Variants in IGF1R observed in about 807,000 individuals in gnomAD.
IGF1R encodes insulin like growth factor 1 receptor.
A neutral mutation model predicts 144.6 loss-of-function variants in IGF1R; 44 were observed. The ratio of observed to expected loss-of-function variants is 0.30; its 90% CI spans 0.24 to 0.39. The LOEUF (loss-of-function observed/expected upper bound fraction) is 0.39, where lower values mean the gene tolerates loss of function less well. IGF1R is among the 10% of genes least tolerant of loss of function. IGF1R has a pLI of 1.00. For missense variants in IGF1R, 1,355 were observed against 1,833.7 expected, an observed-to-expected ratio of 0.74 and a Z score of 4.77; for synonymous variants, 795 against 722.8, an observed-to-expected ratio of 1.10 and a Z score of -1.60.
intron 19 of IGF1R, among the ~76,000 whole-genome samples, chr15:98,946,373 C>T (rs1338612685): frequency 6.6e-6 from 1 of 152,064 alleles, no homozygotes; most frequent in African/African-American, 2.4e-5. Flanking sequence ...TCTTTAAGCC[C>T]TGTTAAGGTT....
chr15:98,842,136 C>A (rs1389250573), intron 2 of IGF1R, among the ~76,000 whole-genome samples: 1 of 152,240 alleles, frequency 6.6e-6, no homozygotes, highest in South Asian at 2.1e-4. Context: ...GACCCCTTCA[C>A]CTCTGTCCCC....
chr15:98,653,603 C>G (rs926637712), intron 1 of IGF1R, among the ~76,000 whole-genome samples: 7 of 152,154 alleles, frequency 4.6e-5, no homozygotes, highest in Non-Finnish European at 1.0e-4. Flanking sequence ...ATTAAAATTC[C>G]TTACAGAACG....
At chr15:98,887,199 C>G (rs892423727) in intron 2 of IGF1R, among the ~76,000 whole-genome samples, 1 of 152,094 alleles carries the variant, frequency 6.6e-6, no homozygotes, top group African/African-American at 2.4e-5. Flanking sequence ...GCCTGTGTAT[C>G]GGTTGTGGCA....
At position 98,707,863 on chromosome 15, in the gene IGF1R, C is replaced by T; in HGVS notation, c.396C>T (p.Asn132=). The part of the protein sequence containing the change: ...MTNLKDIGLY[N]LRNITRGAIR... ...ATCTCAAGGATATTGGGCTTTACAA[C>T]CTGAGGAACATTACTCGGGGGGCCA... Residue 132 remains asparagine (N), a synonymous_variant, in exon 2 of 21, where the codon AAC becomes AAT. Coordinates refer to ENST00000650285, the MANE Select transcript of IGF1R (RefSeq NM_000875.5). The surrounding 1 kb of genome is among the most constrained non-coding windows in gnomAD (Gnocchi z 6.7). 6.2e-7 allele frequency: 1 copy of T among 1,614,150 alleles called. No individual in the cohort carries two copies. The highest frequency in any genetic ancestry group is 2.2e-5 in the East Asian group (1 of 44,880).
intron 2 of IGF1R, among the ~76,000 whole-genome samples, chr15:98,793,888 C>T (rs199785023): frequency 1.3e-5 from 2 of 152,178 alleles, no homozygotes; most frequent in South Asian, 2.1e-4. Context: ...TACCTGTGTT[C>T]GTTCCTTTGC....
intron 1 of IGF1R, among the ~76,000 whole-genome samples, chr15:98,658,959 A>G (rs1381437927): frequency 6.6e-6 from 1 of 152,252 alleles, no homozygotes; most frequent in Non-Finnish European, 1.5e-5. Context: ...TTAAACATTC[A>G]TAGAAATCAA....
intron 2 of IGF1R, among the ~76,000 whole-genome samples, chr15:98,711,973 G>A (rs1397600860): frequency 6.6e-6 from 1 of 152,058 alleles, no homozygotes; most frequent in Non-Finnish European, 1.5e-5. Context: ...TTTTTTTCTG[G>A]CGTCTTTTTT....
rs548403294 is a variant in IGF1R at position 98,961,236 on chromosome 15, C to T, written c.*3794C>T. On this transcript the variant is annotated 3_prime_UTR_variant, in exon 21 of 21. Coordinates refer to ENST00000650285, the MANE Select transcript of IGF1R (RefSeq NM_000875.5). The stretch of plus-strand genomic sequence containing the variant: ...CCTCTCCTCTCGTGCACATACCTAC[C>T]GGTTTCCACAACTGGATTTCTACAG... 11 of 233,590 alleles carry T rather than the reference C, an allele frequency of 4.7e-5. No homozygotes were observed. Among genetic ancestry groups the T allele is most frequent in the East Asian group, 6.0e-5 (1 of 16,574 alleles). The allele number at this position is 233,590 out of a possible 1,614,324, so 14.5% of individuals were successfully genotyped here. A position where few individuals can be genotyped will look rare whatever the true frequency, so the allele number is the denominator to read the frequency against.
At chr15:98,908,057 T>G (rs947105883) in intron 5 of IGF1R, among the ~76,000 whole-genome samples, 1 of 152,244 alleles carries the variant, frequency 6.6e-6, no homozygotes, top group Non-Finnish European at 1.5e-5. Flanking sequence ...CGAGTCCTCT[T>G]GCCTGGATGA....
At chr15:98,840,317 C>A (rs891017265) in intron 2 of IGF1R, among the ~76,000 whole-genome samples, 2 of 152,226 alleles carry the variant, frequency 1.3e-5, no homozygotes, top group Middle Eastern at 3.2e-3. Flanking sequence ...ATCTTGCTTT[C>A]TGTGGTGCAA....
intron 2 of IGF1R, among the ~76,000 whole-genome samples, chr15:98,881,848 T>A (rs1007683442): frequency 5.3e-5 from 8 of 152,206 alleles, no homozygotes; most frequent in African/African-American, 1.9e-4. Context: ...CAGAAATATA[T>A]GTGAGATGCT....
In IGF1R at chr15:98,920,340, C is replaced by T. The variant is rs558058774; in HGVS notation, c.2202-1808C>T. ...GCCTTGATGTCATCAGCATTGAGAG[C>T]TGTGCAGTCCCTAAAAGTGTGATGT... is the stretch of plus-strand genomic sequence containing the variant. On this transcript the variant is annotated intron_variant, in intron 10 of 20. Transcript: ENST00000650285. Among the ~76,000 whole-genome samples, 4 of 152,314 alleles carry T rather than the reference C, an allele frequency of 2.6e-5. No homozygotes were observed. The South Asian group carries it at 8.3e-4, about 32-fold the overall frequency.
At chr15:98,729,928 G>T (rs146449565) in intron 2 of IGF1R, among the ~76,000 whole-genome samples, 2 of 152,320 alleles carry the variant, frequency 1.3e-5, no homozygotes, top group East Asian at 3.9e-4. Context: ...CACCCTGTCT[G>T]CAGGTCCATG....
intron 2 of IGF1R, among the ~76,000 whole-genome samples, chr15:98,843,455 T>G (rs1164001859): frequency 6.6e-6 from 1 of 152,198 alleles, no homozygotes; most frequent in Non-Finnish European, 1.5e-5. Flanking sequence ...CTCTTATTGG[T>G]TTGTCTTAGC....
At chr15:98,947,389 G>A (rs977876251) in intron 19 of IGF1R, among the ~76,000 whole-genome samples, 4 of 152,290 alleles carry the variant, frequency 2.6e-5, no homozygotes, top group African/African-American at 9.6e-5. Flanking sequence ...GCTCTTGGTT[G>A]GAAATCTCCT....
chr15:98,798,558 GAGA>G (rs1289079561), intron 2 of IGF1R, among the ~76,000 whole-genome samples: 1 of 152,184 alleles, frequency 6.6e-6, no homozygotes, highest in Non-Finnish European at 1.5e-5. Context: ...GTGTAGGGCA[GAGA>G]AGATGAACCT....
chr15:98,784,538 A>G (rs1429832646), intron 2 of IGF1R: 1 of 154,004 alleles, frequency 6.5e-6, no homozygotes, highest in Non-Finnish European at 1.5e-5. Flanking sequence ...GTCTAGGTTA[A>G]GTCATACTTG....
rs1163356869 is a variant in IGF1R, at chr15:98,964,163, T to C, written c.*6721T>C. The C allele has an allele frequency of 8.6e-6, 2 of 232,832 alleles. No individual in the cohort carries two copies. The highest frequency in any genetic ancestry group is 5.6e-5 in the Admixed American group (1 of 17,744). 14.4% of individuals were successfully genotyped at this position (232,832 alleles called of 1,614,324 possible). The stretch of plus-strand genomic sequence containing the variant: ...AATCAAACCAGAAGGCGGGATGGAA[T>C]GGATGCACCGCAAATAATGCATTTT... On this transcript the variant is annotated 3_prime_UTR_variant, in exon 21 of 21. Coordinates refer to ENST00000650285, the MANE Select transcript of IGF1R (RefSeq NM_000875.5).
At chr15:98,908,648 A>G in intron 5 of IGF1R, 37 bp from the exon 6 acceptor site, 1 of 1,559,428 alleles carries the variant, frequency 6.4e-7, no homozygotes, top group Non-Finnish European at 8.8e-7. Context: ...ACTGTGGCCA[A>G]GGGCAGGTGC....
Sources: allele counts gnomAD v4.1 joint callset (sites outside exome capture counted in the v4.1 genomes callset), GRCh38; gene constraint gnomAD v4.1.1; non-coding constraint Gnocchi (gnomAD v3.1); transcripts MANE v1.5; gene names NCBI Gene and HGNC (gene_info 2026-07-23, HGNC 2026-07-21).